Variants in SPARCL1 observed in about 807,000 individuals in gnomAD.
SPARCL1 encodes the protein SPARC-like protein 1.
In SPARCL1, 52 loss-of-function variants were observed where a neutral mutation model predicts 67.1. The observed-to-expected ratio is 0.78, with a 90% CI of 0.62 to 0.98. SPARCL1 has a LOEUF of 0.98. SPARCL1 is among the 50% of genes least tolerant of loss of function. The pLI is 0.00. For synonymous variants in SPARCL1, 226 were observed against 267.8 expected (o/e 0.84, Z 1.52); for missense variants, 717 against 782.4 (o/e 0.92, Z 1.00).
At chr4:87,512,168 A>T (rs985025600) in intron 1 of SPARCL1, among the ~76,000 whole-genome samples, 16 of 151,876 alleles carry the variant, frequency 1.1e-4, no homozygotes, top group African/African-American at 3.4e-4. Context: ...GGGTTTCACC[A>T]TGTTGGTCAG....
At chr4:87,506,302 C>T (rs1725069536) in intron 1 of SPARCL1, among the ~76,000 whole-genome samples, 1 of 152,220 alleles carries the variant, frequency 6.6e-6, no homozygotes. Context: ...GGGATAACAT[C>T]TGTGATGGTT....
chr4:87,482,363 C>G, intron 8 of SPARCL1, 61 bp downstream of exon 8: 1 of 1,577,702 alleles, frequency 6.3e-7, no homozygotes, highest in East Asian at 2.2e-5. Flanking sequence ...CCCCCCACCA[C>G]GTCTTTCTTC....
intron 1 of SPARCL1, among the ~76,000 whole-genome samples, chr4:87,518,835 A>T (rs1169977500): frequency 6.6e-6 from 1 of 152,212 alleles, no homozygotes; most frequent in African/African-American, 2.4e-5. Flanking sequence ...CTGAATTCTA[A>T]TAGAATACTC....
chr4:87,480,820 C>CCTTTTTTTTTTTTTTTT (rs59503255), intron 8 of SPARCL1, among the ~76,000 whole-genome samples: 1 of 133,384 alleles, frequency 7.5e-6, no homozygotes. Flanking sequence ...ATGTTCGCTG[C>CCTTTTTTTTTTTTTTTT]TTTTTTTTTT....
At position 87,495,052 on chromosome 4, in the gene SPARCL1, T is replaced by C; in HGVS notation, c.130A>G (p.Ser44Gly). 1 of 1,613,154 alleles carries C rather than the reference T, an allele frequency of 6.2e-7. No individual in the cohort carries two copies. The highest frequency in any genetic ancestry group is 8.5e-7 in the Non-Finnish European group (1 of 1,179,528). Residue 44 changes from serine (S) to glycine (G), a missense_variant, in exon 3 of 11, where the codon AGT (serine) becomes GGT (glycine). Ser to Gly is a moderately conservative substitution (Grantham distance 56). Transcript: ENST00000282470. ...TTTTCTTCAGCTTCAGCCCTTAAACTGGGGATTGCAGTGTTGTCAGGTGCT... is the reference window on the plus strand; with the variant it reads ...TTTTCTTCAGCTTCAGCCCTTAAACCGGGGATTGCAGTGTTGTCAGGTGCT... ...TVAPDNTAIP[S>G]LRAEAEENEK... is the part of the protein sequence containing the mutation.
At chr4:87,525,363 A>G (rs1725998741) in intron 1 of SPARCL1, among the ~76,000 whole-genome samples, 1 of 152,188 alleles carries the variant, frequency 6.6e-6, no homozygotes, top group South Asian at 2.1e-4. Context: ...ATGAGAAGAC[A>G]GAGGCACAGA....
chr4:87,508,260 T>C (rs1725190623), intron 1 of SPARCL1, among the ~76,000 whole-genome samples: 1 of 151,990 alleles, frequency 6.6e-6, no homozygotes, highest in East Asian at 1.9e-4. Context: ...ACTGTGAGGC[T>C]GGAGTGCAGT....
intron 1 of SPARCL1, among the ~76,000 whole-genome samples, chr4:87,513,534 G>T (rs1725461712): frequency 6.6e-6 from 1 of 152,172 alleles, no homozygotes; most frequent in Non-Finnish European, 1.5e-5. Context: ...GTCAAAGGTA[G>T]CTCCTTGCAA....
intron 10 of SPARCL1, among the ~76,000 whole-genome samples, chr4:87,474,437 G>C (rs1723479503): frequency 6.6e-6 from 1 of 151,950 alleles, no homozygotes; most frequent in South Asian, 2.1e-4. Flanking sequence ...ATGTAAAATG[G>C]AGATAATAGC....
chr4:87,509,231 ACTATT>A (rs1169388612), intron 1 of SPARCL1, among the ~76,000 whole-genome samples: 1 of 152,114 alleles, frequency 6.6e-6, no homozygotes, highest in Non-Finnish European at 1.5e-5. Flanking sequence ...AGTTCTAGGC[ACTATT>A]CTAAGAGCTT....
intron 2 of SPARCL1, among the ~76,000 whole-genome samples, chr4:87,497,987 G>A (rs1236364386): frequency 1.3e-5 from 2 of 152,052 alleles, no homozygotes; most frequent in Non-Finnish European, 2.9e-5. Flanking sequence ...TTGAACTCTT[G>A]GGCTCAAGCG....
intron 1 of SPARCL1, among the ~76,000 whole-genome samples, chr4:87,527,863 T>C (rs942277196): frequency 1.5e-5 from 2 of 137,164 alleles, no homozygotes; most frequent in African/African-American, 2.9e-5. Context: ...GAGGGTGTTT[T>C]GAATAAAAAA....
Position 87,490,359 on chromosome 4 carries a change from G to T in SPARCL1, c.1445C>A (p.Ser482Tyr). The change falls in exon 7 of 11, where the codon TCC becomes TAC. Residue 482 changes from serine to tyrosine, a missense_variant. Ser to Tyr is a moderately radical substitution (Grantham distance 144, BLOSUM62 -2). Coordinates refer to ENST00000282470, the MANE Select transcript of SPARCL1 (RefSeq NM_004684.6). Reference protein sequence around the residue: ...CGTDNQTYASSCHLFATKCRL... With the variant: ...CGTDNQTYASYCHLFATKCRL... ...GCATTTAGTAGCGAATAGATGACAG[G>T]AACTAGCATAGGTCTGATTGTCAGT... 1.9e-6 allele frequency: 3 copies of T among 1,613,046 alleles called. No homozygotes were observed. The highest frequency in any genetic ancestry group is 2.5e-6 in the Non-Finnish European group (3 of 1,179,598).
intron 2 of SPARCL1, among the ~76,000 whole-genome samples, chr4:87,496,522 G>T (rs1171289229): frequency 6.6e-6 from 1 of 152,218 alleles, no homozygotes; most frequent in East Asian, 1.9e-4. Flanking sequence ...ACCGGCCAAG[G>T]TCATTAATTT....
chr4:87,501,146 C>T (rs1462342040), intron 1 of SPARCL1, among the ~76,000 whole-genome samples: 1 of 152,150 alleles, frequency 6.6e-6, no homozygotes, highest in Non-Finnish European at 1.5e-5. Context: ...AAGGAAATCC[C>T]TCGTGTCCAT....
At chr4:87,511,058 AC>A (rs1197313150) in intron 1 of SPARCL1, among the ~76,000 whole-genome samples, 1 of 152,126 alleles carries the variant, frequency 6.6e-6, no homozygotes, top group Admixed American at 6.5e-5. Context: ...TAAACAAGGC[AC>A]CCCTGCCGCG....
At chr4:87,474,741 CTCT>C (rs1474375576) in intron 10 of SPARCL1, among the ~76,000 whole-genome samples, 4 of 64,160 alleles carry the variant, frequency 6.2e-5, no homozygotes, top group Admixed American at 2.1e-4. Flanking sequence ...TTCTCTCTCT[CTCT>C]TTTTTTTTTT....
intron 2 of SPARCL1, 57 bp downstream of exon 2, chr4:87,499,464 A>G (rs923336185): frequency 2.2e-6 from 3 of 1,336,202 alleles, no homozygotes; most frequent in Non-Finnish European, 3.2e-6. Flanking sequence ...TAAATGGAGG[A>G]TTTCTGCATT....
chr4:87,516,443 T>A (rs1187958038), intron 1 of SPARCL1, among the ~76,000 whole-genome samples: 1 of 152,254 alleles, frequency 6.6e-6, no homozygotes, highest in African/African-American at 2.4e-5. Context: ...ATTATTTTAT[T>A]GAAAAAGTAC....
Sources: gnomAD v4.1 joint callset for allele counts (sites outside exome capture counted in the v4.1 genomes callset) on GRCh38, gnomAD v4.1.1 for gene constraint, MANE v1.5 for transcripts, NCBI Gene and HGNC (gene_info 2026-07-23, HGNC 2026-07-21) for gene names.